EVC2: variants seen among roughly 807,000 people sequenced by gnomAD.
The protein encoded by EVC2 is EvC ciliary complex subunit 2.
EVC2 carries 148 observed loss-of-function variants against 149.3 expected under a neutral mutation model. The ratio of observed to expected loss-of-function variants is 0.99; its 90% CI spans 0.87 to 1.14. The LOEUF (loss-of-function observed/expected upper bound fraction) is 1.14. Among genes scored for constraint, EVC2 ranks in the 50% most tolerant of loss-of-function variants. The pLI is 0.00. For synonymous variants in EVC2, 776 were observed against 649.9 expected (o/e 1.19, Z -2.95); for missense variants, 1,854 against 1,627.3 (o/e 1.14, Z -2.40).
chr4:5,603,258 C>T (rs764796936), intron 16 of EVC2, among the ~76,000 whole-genome samples: 4 of 152,104 alleles, frequency 2.6e-5, no homozygotes, highest in Non-Finnish European at 5.9e-5. Context: ...CAGTGGGAAG[C>T]TATGGAATGT....
chr4:5,533,884 T>C, the EVC2 span, among the ~76,000 whole-genome samples: 1 of 152,090 alleles, frequency 6.6e-6, no homozygotes, highest in African/African-American at 2.4e-5. Context: ...AAATAGATGG[T>C]GCAAAGGTCC....
At chr4:5,649,413 A>C (rs771347272) in intron 9 of EVC2, among the ~76,000 whole-genome samples, 1 of 152,190 alleles carries the variant, frequency 6.6e-6, no homozygotes, top group Non-Finnish European at 1.5e-5. Context: ...CTTTCAAGGG[A>C]AACAGTACCG....
At chr4:5,553,391 T>C (rs562967662) in intron 21 of EVC2, among the ~76,000 whole-genome samples, 9 of 152,138 alleles carry the variant, frequency 5.9e-5, no homozygotes, top group Admixed American at 2.6e-4. Context: ...ACCTCCAACA[T>C]TGAGGATGAC....
chr4:5,619,629 G>A (rs1032402823), intron 14 of EVC2, among the ~76,000 whole-genome samples: 2 of 152,172 alleles, frequency 1.3e-5, no homozygotes, highest in African/African-American at 4.8e-5. Flanking sequence ...TGTTATGGTA[G>A]TGTTAAAAAA....
chr4:5,619,868 G>A (rs1211703726), intron 14 of EVC2, among the ~76,000 whole-genome samples: 2 of 152,170 alleles, frequency 1.3e-5, no homozygotes, highest in African/African-American at 4.8e-5. Flanking sequence ...AAGATTAGCT[G>A]TAGATGTGTT....
At chr4:5,551,586 C>T (rs186785820) in intron 21 of EVC2, among the ~76,000 whole-genome samples, 3 of 152,244 alleles carry the variant, frequency 2.0e-5, no homozygotes, top group East Asian at 3.9e-4. Context: ...AGACTTGGGA[C>T]TGTGGACTTT....
chr4:5,671,001 A>G (rs1448137264), intron 7 of EVC2, among the ~76,000 whole-genome samples: 2 of 152,204 alleles, frequency 1.3e-5, no homozygotes, highest in South Asian at 2.1e-4. Context: ...CATCAGCGGC[A>G]GCAACACCAT....
At chr4:5,664,646 G>C (rs1719134672) in intron 8 of EVC2, among the ~76,000 whole-genome samples, 1 of 152,140 alleles carries the variant, frequency 6.6e-6, no homozygotes, top group Non-Finnish European at 1.5e-5. Flanking sequence ...GGGACAAAAT[G>C]AACAACAGGC....
rs1313333517 is a variant in EVC2, at chr4:5,569,607, T to C, written c.3361-967A>G. Among the ~76,000 whole-genome samples, 2 of 151,386 alleles carry C rather than the reference T, an allele frequency of 1.3e-5. No individual in the cohort carries two copies. Among genetic ancestry groups the C allele is most frequent in the Non-Finnish European group, 2.9e-5 (2 of 67,870 alleles). ...AGAGCTATTGGGTGCCCAAAGGCCA[T>C]GAGAAGGAGCAGTGTCCAGCCAGGG... On this transcript the variant is annotated intron_variant, in intron 19 of 21. Coordinates refer to ENST00000344408, the MANE Select transcript of EVC2 (RefSeq NM_147127.5). This position sits in a 1 kb window ranked among gnomAD's most constrained non-coding sequence, Gnocchi z 4.8.
Position 5,625,698 on chromosome 4 carries a change from G to A in EVC2, c.2046+51C>T. 1.2e-6 allele frequency: 2 copies of A among 1,607,170 alleles called. No individual in the cohort carries two copies. Among genetic ancestry groups the A allele is most frequent in the Non-Finnish European group, 1.7e-6 (2 of 1,174,876 alleles). On this transcript the variant is annotated intron_variant, in intron 13 of 21. Coordinates refer to ENST00000344408, the MANE Select transcript of EVC2 (RefSeq NM_147127.5). The surrounding 1 kb of genome is among the most constrained non-coding windows in gnomAD (Gnocchi z 4.0). ...CTGGCACAGTACCTGGCACTTGATGGGTATCAGAAAGTGCCTATGCAAAGA... is the reference window on the plus strand; with the variant it reads ...CTGGCACAGTACCTGGCACTTGATGAGTATCAGAAAGTGCCTATGCAAAGA...
chr4:5,577,985 G>A (rs1045405531), intron 17 of EVC2, among the ~76,000 whole-genome samples: 7 of 152,112 alleles, frequency 4.6e-5, no homozygotes, highest in African/African-American at 4.8e-5. Flanking sequence ...TCAGAGGAAC[G>A]GTGGAACACA....
intron 19 of EVC2, among the ~76,000 whole-genome samples, chr4:5,570,929 G>C (rs773296833): frequency 2.0e-5 from 3 of 152,130 alleles, no homozygotes; most frequent in African/African-American, 7.2e-5. Flanking sequence ...TCACTTATGA[G>C]GAGGAGCTGA....
At chr4:5,598,977 C>T (rs377599672) in intron 16 of EVC2, among the ~76,000 whole-genome samples, 3 of 152,088 alleles carry the variant, frequency 2.0e-5, no homozygotes, top group Non-Finnish European at 2.9e-5. Flanking sequence ...AAAATGCTCA[C>T]CATCACTGGC....
Position 5,605,922 on chromosome 4 carries a change from G to A in EVC2, c.2829+9500C>T, listed in dbSNP as rs116449762. Among the ~76,000 whole-genome samples the A allele has an allele frequency of 7.4e-3, 1,130 of 152,262 alleles. 12 individuals are homozygous for A. Among genetic ancestry groups the A allele is most frequent in the African/African-American group, 0.025 (1,059 of 41,548 alleles). On this transcript the variant is annotated intron_variant, in intron 16 of 21. Coordinates refer to ENST00000344408, the MANE Select transcript of EVC2 (RefSeq NM_147127.5). ...GTGGCATGAGACCTTCCTGTGCCAC[G>A]GGGACCTGTAGGTTCACAGAAGCCA...
the EVC2 span, among the ~76,000 whole-genome samples, chr4:5,533,421 G>C: frequency 6.6e-6 from 1 of 152,296 alleles, no homozygotes; most frequent in South Asian, 2.1e-4. Flanking sequence ...GGGTGGAGTG[G>C]GAGGAGAGGT....
chr4:5,562,508 T>G lies in EVC2; in HGVS notation c.*340A>C. ...TAGAATATGTAACAAATACAAAACA[T>G]AAGAGTAGAGAATCTGGCTGTCACC... On this transcript the variant is annotated 3_prime_UTR_variant, in exon 22 of 22. Coordinates refer to ENST00000344408, the MANE Select transcript of EVC2 (RefSeq NM_147127.5). This position sits in a 1 kb window ranked among gnomAD's most constrained non-coding sequence, Gnocchi z 4.3. 1 of 1,155,302 alleles carries G rather than the reference T, an allele frequency of 8.7e-7. No homozygotes were observed. The allele number at this position is 1,155,302 out of a possible 1,614,324, so 71.6% of individuals were successfully genotyped here.
chr4:5,580,955 A>T (rs1711713639), intron 17 of EVC2, among the ~76,000 whole-genome samples: 1 of 152,048 alleles, frequency 6.6e-6, no homozygotes, highest in South Asian at 2.1e-4. Flanking sequence ...TGGTTGTTTA[A>T]AACTGTGTAG....
chr4:5,643,828 G>A (rs115773845), intron 9 of EVC2, among the ~76,000 whole-genome samples: 1,818 of 152,268 alleles, frequency 0.012, 29 homozygotes, highest in African/African-American at 0.042. Context: ...GGCTGAGGCG[G>A]AGGTTGCAGT....
intron 2 of EVC2, among the ~76,000 whole-genome samples, chr4:5,697,211 T>C (rs577414500): frequency 1.6e-4 from 25 of 152,358 alleles, no homozygotes; most frequent in Admixed American, 1.6e-3. Flanking sequence ...GTGAAACTGA[T>C]GTTGGACTTC....
Sources: allele counts gnomAD v4.1 joint callset (sites outside exome capture counted in the v4.1 genomes callset), GRCh38; gene constraint gnomAD v4.1.1; non-coding constraint Gnocchi (gnomAD v3.1); transcripts MANE v1.5; gene names NCBI Gene and HGNC (gene_info 2026-07-23, HGNC 2026-07-21).